CCDC180: variants seen among roughly 807,000 people sequenced by gnomAD.
CCDC180 encodes the protein coiled-coil domain-containing protein 180.
CCDC180 carries 154 observed loss-of-function variants against 209.2 expected under a neutral mutation model. That is an observed-to-expected ratio of 0.74 (90% CI 0.65 to 0.84). The LOEUF (loss-of-function observed/expected upper bound fraction) is 0.84, where lower values mean the gene tolerates loss of function less well. Among genes scored for constraint, CCDC180 ranks in the 40% least tolerant of loss-of-function variants. The pLI is 0.00. For missense variants in CCDC180, 1,874 were observed against 1,997.3 expected (o/e 0.94, Z 1.18); for synonymous variants, 778 against 749.1 (o/e 1.04, Z -0.63).
At chr9:97,307,892 G>C (rs1412717651) in intron 1 of CCDC180, 86 bp downstream of exon 1, 1 of 1,597,630 alleles carries the variant, frequency 6.3e-7, no homozygotes, top group Admixed American at 1.7e-5. Context: ...CCTTCCCCGG[G>C]GAGTCCTGCC....
chr9:97,371,899 T>TA, intron 34 of CCDC180, 193 bp downstream of exon 34: 1 of 430,322 alleles, frequency 2.3e-6, no homozygotes, highest in South Asian at 6.2e-5. Flanking sequence ...CGTTTATATA[T>TA]AAAAAATGAA....
At chr9:97,318,603 C>G (rs1319737987) in intron 10 of CCDC180, 21 bp downstream of exon 10, 1 of 1,608,938 alleles carries the variant, frequency 6.2e-7, no homozygotes, top group Non-Finnish European at 8.5e-7. Context: ...GAGGGGCGGC[C>G]CAGGAGGGGT....
intron 11 of CCDC180, among the ~76,000 whole-genome samples, chr9:97,321,257 C>T (rs1312784991): frequency 6.6e-6 from 1 of 152,088 alleles, no homozygotes; most frequent in Non-Finnish European, 1.5e-5. Context: ...GGGACATAAC[C>T]CCATTGTAAA....
At chr9:97,320,053 T>C in intron 10 of CCDC180, 73 bp from the exon 11 acceptor site, 1 of 1,134,720 alleles carries the variant, frequency 8.8e-7, no homozygotes, top group Admixed American at 1.7e-5. Context: ...CTATGTTCCT[T>C]GAAGATGCTA....
chr9:97,315,109 C>T (rs978325271), intron 8 of CCDC180, among the ~76,000 whole-genome samples, 163 bp downstream of exon 8: 3 of 152,076 alleles, frequency 2.0e-5, no homozygotes, highest in African/African-American at 7.2e-5. Flanking sequence ...GAAGCAGAGT[C>T]CTTGCTATTG....
rs138606273 is a variant in CCDC180 at position 97,324,958 on chromosome 9, C to T, written c.1372-61C>T. On this transcript the variant is annotated intron_variant, in intron 13 of 36. Transcript: ENST00000529487. ...GAGACAGGGGGTCCCACAGGTGGGC[C>T]CTCTTCTTGGCCCTGGGACTGTCAG... The T allele has an allele frequency of 8.5e-5, 129 of 1,518,218 alleles. No individual in the cohort carries two copies. In the African/African-American group the frequency reaches 1.6e-3, roughly 19 times the overall value. 94.0% of individuals were successfully genotyped at this position (1,518,218 alleles called of 1,614,324 possible).
intron 35 of CCDC180, 90 bp from the exon 36 acceptor site, chr9:97,375,364 A>G (rs1027023499): frequency 3.3e-5 from 51 of 1,530,576 alleles, no homozygotes; most frequent in Non-Finnish European, 4.3e-5. Flanking sequence ...ATTTTTTCAA[A>G]GAAATGCTAA....
At chr9:97,367,581 C>T (rs1316829623) in intron 31 of CCDC180, among the ~76,000 whole-genome samples, 1 of 151,976 alleles carries the variant, frequency 6.6e-6, no homozygotes, top group Non-Finnish European at 1.5e-5. Flanking sequence ...TCAAGAGACT[C>T]TTCTGCCCCA....
chr9:97,326,225 T>G (rs1032619291), intron 14 of CCDC180, among the ~76,000 whole-genome samples: 1 of 151,990 alleles, frequency 6.6e-6, no homozygotes, highest in Non-Finnish European at 1.5e-5. Flanking sequence ...GCACGACTGG[T>G]GAGAAGAAGA....
At chr9:97,353,339 C>A (rs1017589992) in intron 22 of CCDC180, among the ~76,000 whole-genome samples, 1 of 152,156 alleles carries the variant, frequency 6.6e-6, no homozygotes, top group African/African-American at 2.4e-5. Flanking sequence ...CTGCCTGCTC[C>A]TTGTTCATAT....
At chr9:97,334,842 A>G (rs1825853408) in intron 18 of CCDC180, among the ~76,000 whole-genome samples, 1 of 152,178 alleles carries the variant, frequency 6.6e-6, no homozygotes, top group South Asian at 2.1e-4. Context: ...AAAGGGTAGA[A>G]TTATGTACAC....
intron 16 of CCDC180, 59 bp downstream of exon 16, chr9:97,328,205 C>T: frequency 6.4e-7 from 1 of 1,574,128 alleles, no homozygotes; most frequent in Non-Finnish European, 8.7e-7. Flanking sequence ...GAGAGGCTGA[C>T]TTCTTGTTAT....
At position 97,317,165 on chromosome 9, in the gene CCDC180, G is replaced by T; in HGVS notation, c.896G>T (p.Arg299Leu). Residue 299 changes from arginine (R) to leucine (L), a missense_variant, in exon 9 of 37, where the codon CGC (arginine) becomes CTC (leucine). Physicochemically the swap from Arg to Leu is moderately radical, Grantham distance 102. Coordinates refer to ENST00000529487, the MANE Select transcript of CCDC180 (RefSeq NM_020893.6). ...TLQQELDSRH[R>L]WQGLVDTWKA... is the part of the protein sequence containing the mutation. ...CAGCAGGAGCTGGACAGCCGCCACC[G>T]CTGGCAAGGCTTGGTGGACACCTGG... is the stretch of plus-strand genomic sequence containing the variant. The T allele has an allele frequency of 1.2e-6, 2 of 1,613,040 alleles. No homozygotes were observed. Among genetic ancestry groups the T allele is most frequent in the South Asian group, 1.1e-5 (1 of 91,050 alleles).
intron 17 of CCDC180, 42 bp from the exon 18 acceptor site, chr9:97,330,280 G>A (rs768040556): frequency 1.2e-6 from 2 of 1,612,070 alleles, no homozygotes; most frequent in Admixed American, 1.7e-5. Context: ...GGCAGCATCA[G>A]TAAATTGTCT....
intron 11 of CCDC180, among the ~76,000 whole-genome samples, chr9:97,320,945 G>A (rs1244973828): frequency 2.6e-5 from 4 of 152,218 alleles, no homozygotes; most frequent in Non-Finnish European, 5.9e-5. Flanking sequence ...ACATTCAGCA[G>A]AAACTGTACT....
At chr9:97,367,329 A>C (rs1016606163) in intron 31 of CCDC180, among the ~76,000 whole-genome samples, 3 of 152,082 alleles carry the variant, frequency 2.0e-5, no homozygotes, top group Non-Finnish European at 4.4e-5. Context: ...GTGGTCTACT[A>C]TGCTGTTTCA....
Position 97,349,287 on chromosome 9 carries a change from C to CA in CCDC180, c.2855dup (p.Leu953AlafsTer14). On this transcript the variant is annotated frameshift_variant, in exon 21 of 37. Coordinates refer to ENST00000529487, the MANE Select transcript of CCDC180 (RefSeq NM_020893.6). LOFTEE classifies it high-confidence loss of function. ...CATCTTCTTGAATGCCACCAGGAGCCAAAAGTAAGGGGTCCTGGGAGTCTC... is the reference window on the plus strand; with the variant it reads ...CATCTTCTTGAATGCCACCAGGAGCCAAAAAGTAAGGGGTCCTGGGAGTCTC... 3 of 1,536,416 alleles carry CA rather than the reference C, an allele frequency of 2.0e-6. No individual in the cohort carries two copies. The highest frequency in any genetic ancestry group is 2.6e-6 in the Non-Finnish European group (3 of 1,146,920).
At position 97,376,921 on chromosome 9, in the gene CCDC180, T is replaced by C. The variant is rs1306481947; in HGVS notation, c.*27T>C. On this transcript the variant is annotated 3_prime_UTR_variant, in exon 37 of 37. Transcript: ENST00000529487. ...CCTCCGCCCCACCATGAATAAACAC[T>C]TTCTTATACAGACTCCTTCCCTGTC... 4.4e-6 allele frequency: 7 copies of C among 1,599,984 alleles called. No homozygotes were observed. The highest frequency in any genetic ancestry group is 6.0e-6 in the Non-Finnish European group (7 of 1,174,812).
chr9:97,320,975 CT>C (rs910828303), intron 11 of CCDC180, among the ~76,000 whole-genome samples: 1 of 152,124 alleles, frequency 6.6e-6, no homozygotes, highest in Non-Finnish European at 1.5e-5. Context: ...GAATTTTGCT[CT>C]TTTTCTGGGG....
Sources: allele counts gnomAD v4.1 joint callset (sites outside exome capture counted in the v4.1 genomes callset), GRCh38; gene constraint gnomAD v4.1.1; transcripts MANE v1.5; gene names NCBI Gene and HGNC (gene_info 2026-07-23, HGNC 2026-07-21).